SEC14L1: variants seen among roughly 807,000 people sequenced by gnomAD.
SEC14L1 encodes the protein SEC14-like protein 1.
A neutral mutation model predicts 85.3 loss-of-function variants in SEC14L1; 48 were observed. The ratio of observed to expected loss-of-function variants is 0.56; its 90% confidence interval spans 0.45 to 0.72. The LOEUF is 0.72. Among genes scored for constraint, SEC14L1 ranks in the 30% least tolerant of loss-of-function variants. The probability of loss-of-function intolerance (pLI) is 0.00; values close to 1 mark genes in which losing one functional copy is unlikely to be tolerated. For missense variants in SEC14L1, 682 were observed against 921.4 expected, an observed-to-expected ratio of 0.74 and a Z score of 3.36; for synonymous variants, 391 against 355.5, an observed-to-expected ratio of 1.10 and a Z score of -1.12.
intron 3 of SEC14L1, among the ~76,000 whole-genome samples, chr17:77,096,055 C>CTTTTT (rs58863646): frequency 2.3e-4 from 28 of 124,238 alleles, no homozygotes; most frequent in Admixed American, 1.6e-3. Context: ...TGCAGTCAGT[C>CTTTTT]TTTTTTTTTT....
chr17:77,184,174 A>T (rs1435300527), intron 3 of SEC14L1, among the ~76,000 whole-genome samples: 1 of 152,170 alleles, frequency 6.6e-6, no homozygotes, highest in Non-Finnish European at 1.5e-5. Flanking sequence ...CCGCTGCATC[A>T]CGCCAGGCTC....
At position 77,142,193 on chromosome 17, in the gene SEC14L1, C is replaced by T. The variant is rs762420597; in HGVS notation, c.-135-453C>T. On this transcript the variant is annotated intron_variant, in intron 1 of 16. Transcript: ENST00000436233. ...TAGCCGTTTTCACACTGTCAGATGG[C>T]GATGTTTTCCACCATGACCTCTCCT... 3.9e-5 allele frequency among the ~76,000 whole-genome samples: 6 copies of T among 152,056 alleles called. No homozygotes were observed. In the East Asian group the frequency reaches 5.8e-4, roughly 15 times the overall value.
chr17:77,201,922 C>G (rs982940407), intron 9 of SEC14L1, among the ~76,000 whole-genome samples: 1 of 152,184 alleles, frequency 6.6e-6, no homozygotes, highest in African/African-American at 2.4e-5. Context: ...TACCCTCTAA[C>G]CCTCTGCCCC....
chr17:77,180,045 T>TA (rs1598353647), intron 3 of SEC14L1, among the ~76,000 whole-genome samples: 63 of 79,262 alleles, frequency 7.9e-4, no homozygotes, highest in Admixed American at 6.8e-3. Flanking sequence ...TATGTTTTGT[T>TA]TTGTTATGTT....
In SEC14L1 at chr17:77,215,848, G is replaced by GGGT. The variant is rs1357691082; in HGVS notation, c.*1826_*1828dup. ...GGTTAGTAGGTAGGGCTAGTAGGTAGGGTTAGTAGGTAGGGTTCGTAGGTA... is the reference window on the plus strand; with the variant it reads ...GGTTAGTAGGTAGGGCTAGTAGGTAGGGTGGTTAGTAGGTAGGGTTCGTAGGTA... On this transcript the variant is annotated 3_prime_UTR_variant, in exon 17 of 17. Coordinates refer to ENST00000436233, the MANE Select transcript of SEC14L1 (RefSeq NM_001143998.2). The GGGT allele has an allele frequency of 1.0e-6, 1 of 960,480 alleles. No individual in the cohort carries two copies. Among genetic ancestry groups the GGGT allele is most frequent in the Non-Finnish European group, 1.2e-6 (1 of 814,014 alleles). 59.5% of individuals were successfully genotyped at this position (960,480 alleles called of 1,614,324 possible). A position where few individuals can be genotyped will look rare whatever the true frequency, so the allele number is the denominator to read the frequency against.
intron 3 of SEC14L1, among the ~76,000 whole-genome samples, chr17:77,134,824 G>T (rs1255375063): frequency 6.6e-6 from 1 of 152,224 alleles, no homozygotes; most frequent in Non-Finnish European, 1.5e-5. Context: ...GAACTCCTGA[G>T]CTCAAATAAT....
upstream of SEC14L1, among the ~76,000 whole-genome samples, chr17:77,139,145 C>G (rs1364842795): frequency 2.7e-5 from 4 of 149,520 alleles, no homozygotes; most frequent in East Asian, 5.9e-4. Flanking sequence ...TCTAGAAGTT[C>G]AGCAGGTCAG....
chr17:77,115,822 C>G (rs920889035), intron 3 of SEC14L1, among the ~76,000 whole-genome samples: 1 of 151,964 alleles, frequency 6.6e-6, no homozygotes, highest in Admixed American at 6.6e-5. Flanking sequence ...CAGGATGAAG[C>G]AAGAAGACCT....
intron 3 of SEC14L1, among the ~76,000 whole-genome samples, chr17:77,109,488 T>C (rs1306115466): frequency 6.6e-6 from 1 of 152,222 alleles, no homozygotes; most frequent in Admixed American, 6.5e-5. Flanking sequence ...CTTGGGAAAT[T>C]AGGCTGCTAT....
chr17:77,114,996 C>T (rs1326331614), intron 3 of SEC14L1, among the ~76,000 whole-genome samples: 1 of 152,192 alleles, frequency 6.6e-6, no homozygotes, highest in African/African-American at 2.4e-5. Context: ...TAGTCATTTA[C>T]TTGAACCACT....
chr17:77,096,352 T>A (rs138163612), intron 3 of SEC14L1, among the ~76,000 whole-genome samples: 6,042 of 138,510 alleles, frequency 0.044, 73 homozygotes, highest in East Asian at 0.21. Flanking sequence ...AGGTCAAGAG[T>A]TCGAGACCAG....
At chr17:77,119,401 G>A (rs1972247617) in intron 3 of SEC14L1, among the ~76,000 whole-genome samples, 1 of 151,970 alleles carries the variant, frequency 6.6e-6, no homozygotes, top group African/African-American at 2.4e-5. Flanking sequence ...TACCCAGGAA[G>A]GAATACCTTT....
At chr17:77,123,042 G>T (rs1972341449) in intron 3 of SEC14L1, among the ~76,000 whole-genome samples, 1 of 150,736 alleles carries the variant, frequency 6.6e-6, no homozygotes, top group South Asian at 2.1e-4. Flanking sequence ...TTGTTGTTTT[G>T]TTTTTTTGTT....
chr17:77,214,872 T>C lies in SEC14L1; in HGVS notation c.*849T>C, dbSNP rs1976962665. ...CATCTCCTCTGTGCCCTCTGGTGGC[T>C]CATTGTCCTCAGAGCCCAGACAGTT... On this transcript the variant is annotated 3_prime_UTR_variant, in exon 17 of 17. Coordinates refer to ENST00000436233, the MANE Select transcript of SEC14L1 (RefSeq NM_001143998.2). 6 of 985,448 alleles carry C rather than the reference T, an allele frequency of 6.1e-6. No individual in the cohort carries two copies. The highest frequency in any genetic ancestry group is 7.2e-6 in the Non-Finnish European group (6 of 829,958). The allele number at this position is 985,448 out of a possible 1,614,324, so 61.0% of individuals were successfully genotyped here.
intron 3 of SEC14L1, among the ~76,000 whole-genome samples, chr17:77,178,634 C>G (rs1013239123): frequency 4.6e-5 from 7 of 152,178 alleles, no homozygotes; most frequent in Admixed American, 2.6e-4. Context: ...TCTTCCACCT[C>G]AGATCATCAG....
intron 3 of SEC14L1, among the ~76,000 whole-genome samples, chr17:77,105,209 T>C (rs1211690434): frequency 6.6e-6 from 1 of 152,034 alleles, no homozygotes; most frequent in African/African-American, 2.4e-5. Context: ...CTTAGTGATT[T>C]TGGGGGCCCA....
chr17:77,195,064 C>A (rs540160906), intron 7 of SEC14L1, 153 bp downstream of exon 7: 70 of 607,074 alleles, frequency 1.2e-4, no homozygotes, highest in African/African-American at 1.1e-3. Flanking sequence ...CTTGTCCTCT[C>A]GCTTATGTAA....
At chr17:77,182,146 TGGGTATGAAC>T (rs1555624862) in intron 3 of SEC14L1, among the ~76,000 whole-genome samples, 1 of 152,156 alleles carries the variant, frequency 6.6e-6, no homozygotes, top group Non-Finnish European at 1.5e-5. Flanking sequence ...TTGGCTAAAC[TGGGTATGAAC>T]ATAGCTCATG....
rs1344030660 is a variant in SEC14L1 at position 77,215,305 on chromosome 17, C to A, written c.*1282C>A. ...AAAAGCAGGTTATTTGAGAATCTGT[C>A]CAGAAGTTGCATAGGGGATGGCCTC... is the stretch of plus-strand genomic sequence containing the variant. On this transcript the variant is annotated 3_prime_UTR_variant, in exon 17 of 17. Coordinates refer to ENST00000436233, the MANE Select transcript of SEC14L1 (RefSeq NM_001143998.2). 1.0e-6 allele frequency: 1 copy of A among 985,294 alleles called. No individual in the cohort carries two copies. The highest frequency in any genetic ancestry group is 1.2e-6 in the Non-Finnish European group (1 of 829,910). The allele number at this position is 985,294 out of a possible 1,614,324, so 61.0% of individuals were successfully genotyped here. A position where few individuals can be genotyped will look rare whatever the true frequency, so the allele number is the denominator to read the frequency against.
Sources: allele counts gnomAD v4.1 joint callset (sites outside exome capture counted in the v4.1 genomes callset), GRCh38; gene constraint gnomAD v4.1.1; transcripts MANE v1.5; gene names NCBI Gene and HGNC (gene_info 2026-07-23, HGNC 2026-07-21).